The following CLTA variants were observed in gnomAD, a reference collection of about 807,000 sequenced individuals.
CLTA encodes clathrin light chain A, also known as clathrin, light polypeptide (Lca).
Under a neutral mutation model 26.9 loss-of-function variants are expected in CLTA, and 9 were observed. The ratio of observed to expected loss-of-function variants is 0.33; its 90% confidence interval spans 0.20 to 0.58. The LOEUF (loss-of-function observed/expected upper bound fraction) is 0.58. Among genes scored for constraint, CLTA ranks in the 20% least tolerant of loss-of-function variants. The pLI is 0.85. For missense variants in CLTA, 278 were observed against 294.2 expected, an observed-to-expected ratio of 0.94 and a Z score of 0.40; for synonymous variants, 120 against 115.5, an observed-to-expected ratio of 1.04 and a Z score of -0.25.
intron 4 of CLTA, among the ~76,000 whole-genome samples, chr9:36,208,375 G>A (rs1827841160): frequency 6.6e-6 from 1 of 152,214 alleles, no homozygotes; most frequent in African/African-American, 2.4e-5. Context: ...AAGAAGGGAT[G>A]AAGTTCTGGA....
In CLTA at chr9:36,197,531, CA is replaced by C; in HGVS notation, c.218-16del. ...GTTTGACCAGTCCTTATTGATAGACCAAAATCTTATGTCTTGCAGATGCTGT... is the reference window on the plus strand; with the variant it reads ...GTTTGACCAGTCCTTATTGATAGACCAAATCTTATGTCTTGCAGATGCTGT... On this transcript the variant is annotated intron_variant, in intron 1 of 4. Coordinates refer to ENST00000345519, the MANE Select transcript of CLTA (RefSeq NM_001833.4). 1 of 1,605,624 alleles carries C rather than the reference CA, an allele frequency of 6.2e-7. No individual in the cohort carries two copies. The highest frequency in any genetic ancestry group is 8.5e-7 in the Non-Finnish European group (1 of 1,173,336).
At chr9:36,195,234 A>G (rs1269741870) in intron 1 of CLTA, among the ~76,000 whole-genome samples, 1 of 152,222 alleles carries the variant, frequency 6.6e-6, no homozygotes, top group Non-Finnish European at 1.5e-5. Context: ...ATAATAGGAA[A>G]GGCCTTCAGC....
At chr9:36,197,866 A>G (rs974333698) in intron 2 of CLTA, among the ~76,000 whole-genome samples, 1 of 152,214 alleles carries the variant, frequency 6.6e-6, no homozygotes, top group African/African-American at 2.4e-5. Flanking sequence ...GTAAGTTAAT[A>G]CTAATACTTT....
intron 1 of CLTA, among the ~76,000 whole-genome samples, chr9:36,196,187 A>G (rs1303618049): frequency 1.3e-5 from 2 of 151,344 alleles, no homozygotes; most frequent in African/African-American, 2.4e-5. Context: ...GGCTGAGGCA[A>G]GAGAATCACT....
At chr9:36,211,139 C>T (rs906475581) in intron 4 of CLTA, among the ~76,000 whole-genome samples, 7 of 152,198 alleles carry the variant, frequency 4.6e-5, no homozygotes, top group South Asian at 2.1e-4. Flanking sequence ...TGATCTGCCC[C>T]GTTTCTCTCC....
At chr9:36,198,234 G>C (rs1313509220) in intron 2 of CLTA, among the ~76,000 whole-genome samples, 1 of 151,878 alleles carries the variant, frequency 6.6e-6, no homozygotes. Flanking sequence ...CTGGGCTCAA[G>C]TGACCATCCC....
At chr9:36,192,679 C>A (rs1177196528) in intron 1 of CLTA, among the ~76,000 whole-genome samples, 1 of 152,114 alleles carries the variant, frequency 6.6e-6, no homozygotes, top group Non-Finnish European at 1.5e-5. Flanking sequence ...GTTTAACCTT[C>A]CTCATTTAAT....
chr9:36,198,874 C>CA (rs374265014), intron 2 of CLTA, 105 bp from the exon 3 acceptor site: 81,699 of 451,868 alleles, frequency 0.18, 789 homozygotes, highest in East Asian at 0.22. Flanking sequence ...AACTCTGTCT[C>CA]AAAAAAAAAA....
chr9:36,194,831 T>C (rs950927072), intron 1 of CLTA, among the ~76,000 whole-genome samples: 1 of 152,244 alleles, frequency 6.6e-6, no homozygotes, highest in African/African-American at 2.4e-5. Context: ...CAACAGACGA[T>C]CCCTTGGCTT....
At chr9:36,208,472 A>T (rs1465303663) in intron 4 of CLTA, among the ~76,000 whole-genome samples, 1 of 152,228 alleles carries the variant, frequency 6.6e-6, no homozygotes, top group Non-Finnish European at 1.5e-5. Flanking sequence ...AGAGAGAGCC[A>T]TATTCAGGAA....
chr9:36,196,282 C>CAAAAA (rs200848535), intron 1 of CLTA, among the ~76,000 whole-genome samples: 1 of 116,392 alleles, frequency 8.6e-6, no homozygotes, highest in African/African-American at 4.2e-5. Flanking sequence ...GACTCTCTCT[C>CAAAAA]AAAAAAAAAT....
chr9:36,203,027 T>A (rs1456367495), intron 3 of CLTA, among the ~76,000 whole-genome samples: 1 of 151,976 alleles, frequency 6.6e-6, no homozygotes, highest in Non-Finnish European at 1.5e-5. Context: ...GAGACGGGAT[T>A]TTACCATGTT....
At chr9:36,200,071 T>G (rs754768113) in intron 3 of CLTA, among the ~76,000 whole-genome samples, 2 of 152,216 alleles carry the variant, frequency 1.3e-5, no homozygotes, top group Non-Finnish European at 2.9e-5. Context: ...TAAAGAGATG[T>G]GTACGTGGAG....
chr9:36,210,045 A>G (rs997438276), intron 4 of CLTA, among the ~76,000 whole-genome samples: 25 of 151,916 alleles, frequency 1.6e-4, no homozygotes, highest in Middle Eastern at 3.4e-3. Flanking sequence ...GACCCCCCCA[A>G]AAGAAACCTG....
Position 36,203,338 on chromosome 9 carries a change from T to TG in CLTA, c.374-729dup, listed in dbSNP as rs140768595. ...GCAATGATCCCATACCTCTACCCCCTGCACTTCTCTCCAGTGGAGTTTCTT... is the reference window on the plus strand; with the variant it reads ...GCAATGATCCCATACCTCTACCCCCTGGCACTTCTCTCCAGTGGAGTTTCTT... On this transcript the variant is annotated intron_variant, in intron 3 of 4. Transcript: ENST00000345519. Among the ~76,000 whole-genome samples the TG allele has an allele frequency of 9.4e-3, 1,425 of 152,324 alleles. 28 individuals carry two copies. The highest frequency in any genetic ancestry group is 0.033 in the African/African-American group (1,359 of 41,564).
At chr9:36,197,623 A>G (rs373355098) in intron 2 of CLTA, 35 bp downstream of exon 2, 3 of 1,498,498 alleles carry the variant, frequency 2.0e-6, no homozygotes, top group African/African-American at 2.8e-5. Flanking sequence ...ATTGATAGTG[A>G]TTGAGAATCT....
rs181670824 is a variant in CLTA at position 36,191,544 on chromosome 9, A to G, written c.217+271A>G. Among the ~76,000 whole-genome samples, 301 of 152,296 alleles carry G rather than the reference A, an allele frequency of 2.0e-3. 1 individual carries two copies. Among genetic ancestry groups the G allele is most frequent in the African/African-American group, 6.5e-3 (271 of 41,562 alleles). ...TCCGGAGCCGGAAGAAGCCCGTTCA[A>G]TTCAGCAACTTTTCATTAAGCATTT... is the stretch of plus-strand genomic sequence containing the variant. On this transcript the variant is annotated intron_variant, in intron 1 of 4. Coordinates refer to ENST00000345519, the MANE Select transcript of CLTA (RefSeq NM_001833.4).
Position 36,211,762 on chromosome 9 carries a change from G to T in CLTA, c.645G>T (p.Pro215=), listed in dbSNP as rs756015897. The T allele has an allele frequency of 5.3e-5, 85 of 1,609,860 alleles. No individual in the cohort carries two copies. Among genetic ancestry groups the T allele is most frequent in the Non-Finnish European group, 6.9e-5 (81 of 1,176,918 alleles). The change falls in exon 5 of 5, where the codon CCG becomes CCT. Residue 215 remains proline, a synonymous_variant. Coordinates refer to ENST00000345519, the MANE Select transcript of CLTA (RefSeq NM_001833.4). ...TCCTCATCTCCCTCAAGCAGGCCCCGCTGGTGCACTGAAGAGCCACCCTGT... is the reference window on the plus strand; with the variant it reads ...TCCTCATCTCCCTCAAGCAGGCCCCTCTGGTGCACTGAAGAGCCACCCTGT... The part of the protein sequence containing the change: ...RSVLISLKQA[P]LVH
Position 36,204,166 on chromosome 9 carries a change from A to G in CLTA, c.472A>G (p.Lys158Glu). The change falls in exon 4 of 5, where the codon AAA (lysine) becomes GAA (glutamate). Residue 158 changes from lysine to glutamate, a missense_variant. Coordinates refer to ENST00000345519, the MANE Select transcript of CLTA (RefSeq NM_001833.4). ...ARQDEQLQKT[K>E]ANNRAAEEAF... Reference sequence around the variant, plus strand: ...ACAGGACGAGCAGCTACAGAAAACAAAAGCAAACAACAGGTCAGTCCGTGG... The same window carrying G: ...ACAGGACGAGCAGCTACAGAAAACAGAAGCAAACAACAGGTCAGTCCGTGG... The G allele has an allele frequency of 6.2e-7, 1 of 1,613,884 alleles. No homozygotes were observed. Among genetic ancestry groups the G allele is most frequent in the Non-Finnish European group, 8.5e-7 (1 of 1,179,878 alleles).
Sources: allele counts gnomAD v4.1 joint callset (sites outside exome capture counted in the v4.1 genomes callset), GRCh38; gene constraint gnomAD v4.1.1; transcripts MANE v1.5; gene names NCBI Gene and HGNC (gene_info 2026-07-23, HGNC 2026-07-21).